CNTNAP4: variants seen among roughly 807,000 people sequenced by gnomAD.
CNTNAP4 encodes contactin-associated protein-like 4.
In CNTNAP4, 98 loss-of-function variants were observed where a neutral mutation model predicts 148.4. The observed-to-expected ratio is 0.66, with a 90% CI of 0.56 to 0.78. The LOEUF (loss-of-function observed/expected upper bound fraction) is 0.78, where lower values mean the gene tolerates loss of function less well. CNTNAP4 is among the 30% of genes least tolerant of loss of function. The probability of loss-of-function intolerance (pLI) is 0.00; values close to 1 mark genes in which losing one functional copy is unlikely to be tolerated. For missense variants in CNTNAP4, 1,935 were observed against 1,565.6 expected, an observed-to-expected ratio of 1.24 and a Z score of -3.98; for synonymous variants, 730 against 565.1, an observed-to-expected ratio of 1.29 and a Z score of -4.14.
chr16:76,518,517 A>G (rs2083335866), intron 15 of CNTNAP4, among the ~76,000 whole-genome samples: 1 of 152,162 alleles, frequency 6.6e-6, no homozygotes, highest in East Asian at 1.9e-4. Context: ...CTTTTTTATG[A>G]TTGTTATTTA....
intron 18 of CNTNAP4, among the ~76,000 whole-genome samples, chr16:76,537,765 A>G (rs2084273822): frequency 6.6e-6 from 1 of 152,130 alleles, no homozygotes; most frequent in Non-Finnish European, 1.5e-5. Context: ...CACTTCATTT[A>G]AGATTGTACT....
chr16:76,390,953 G>A (rs2016939007), intron 3 of CNTNAP4, among the ~76,000 whole-genome samples: 1 of 152,052 alleles, frequency 6.6e-6, no homozygotes, highest in Admixed American at 6.6e-5. Context: ...TGGGAAATAA[G>A]CACATCATAG....
At chr16:76,294,601 T>C (rs560106813) in intron 1 of CNTNAP4, among the ~76,000 whole-genome samples, 50 of 152,328 alleles carry the variant, frequency 3.3e-4, no homozygotes, top group African/African-American at 1.2e-3. Context: ...TAAAATATTT[T>C]TTACATTCCT....
In CNTNAP4 at chr16:76,322,565, C is replaced by G. The variant is rs1962535608; in HGVS notation, c.196+6042C>G. On this transcript the variant is annotated intron_variant, in intron 2 of 23. Coordinates refer to ENST00000611870, the MANE Select transcript of CNTNAP4 (RefSeq NM_033401.5). The stretch of plus-strand genomic sequence containing the variant: ...AAGGATTGGCAAGATATTTCACCAC[C>G]AAACTTTAATTTCCTACGGGAAGAG... Among the ~76,000 whole-genome samples the G allele has an allele frequency of 1.3e-5, 2 of 152,166 alleles. 1 individual carries two copies. Among genetic ancestry groups the G allele is most frequent in the South Asian group, 4.1e-4 (2 of 4,824 alleles).
chr16:76,547,938 T>G (rs2144357743), intron 21 of CNTNAP4, among the ~76,000 whole-genome samples: 1 of 152,234 alleles, frequency 6.6e-6, no homozygotes, highest in Non-Finnish European at 1.5e-5. Flanking sequence ...AAAAAGAAAG[T>G]TTAATTAGCT....
intron 3 of CNTNAP4, among the ~76,000 whole-genome samples, chr16:76,358,703 C>A (rs895660615): frequency 1.1e-4 from 17 of 152,114 alleles, no homozygotes; most frequent in Admixed American, 5.9e-4. Context: ...AATGTTGGAT[C>A]TGGCAAAGAA....
chr16:76,419,409 G>T (rs1193913807), intron 3 of CNTNAP4, among the ~76,000 whole-genome samples: 1 of 151,970 alleles, frequency 6.6e-6, no homozygotes, highest in Non-Finnish European at 1.5e-5. Context: ...GAGCCAGAAG[G>T]GAGTCTTTTT....
intron 3 of CNTNAP4, among the ~76,000 whole-genome samples, chr16:76,366,178 T>C (rs962229751): frequency 6.6e-6 from 1 of 152,184 alleles, no homozygotes; most frequent in Admixed American, 6.5e-5. Context: ...GGGATACATG[T>C]GCAGGTTTGT....
At chr16:76,458,306 C>T (rs1362176593) in intron 8 of CNTNAP4, among the ~76,000 whole-genome samples, 3 of 151,974 alleles carry the variant, frequency 2.0e-5, no homozygotes, top group Non-Finnish European at 4.4e-5. Flanking sequence ...CTTTTTGGCA[C>T]CAGGGACTGT....
At chr16:76,543,782 C>G (rs2084567899) in intron 21 of CNTNAP4, among the ~76,000 whole-genome samples, 1 of 152,214 alleles carries the variant, frequency 6.6e-6, no homozygotes, top group South Asian at 2.1e-4. Context: ...GGCCTTGGTA[C>G]AAGCATGAGG....
intron 21 of CNTNAP4, among the ~76,000 whole-genome samples, chr16:76,550,670 A>T (rs528733203): frequency 5.7e-5 from 5 of 87,580 alleles, no homozygotes; most frequent in African/African-American, 1.8e-4. Context: ...TTCTCATTAA[A>T]GTAAAAAGAA....
At chr16:76,340,211 T>A (rs529797429) in intron 2 of CNTNAP4, among the ~76,000 whole-genome samples, 2 of 152,080 alleles carry the variant, frequency 1.3e-5, no homozygotes, top group African/African-American at 4.8e-5. Context: ...AAGAGGCACG[T>A]ATTAAAGATC....
intron 2 of CNTNAP4, among the ~76,000 whole-genome samples, chr16:76,321,303 GC>G (rs1368768733): frequency 2.0e-5 from 3 of 152,158 alleles, no homozygotes; most frequent in Non-Finnish European, 4.4e-5. Flanking sequence ...AATCTATATA[GC>G]GTTGTTTGGC....
intron 8 of CNTNAP4, among the ~76,000 whole-genome samples, chr16:76,456,521 C>T (rs1474037721): frequency 6.6e-6 from 1 of 152,108 alleles, no homozygotes; most frequent in African/African-American, 2.4e-5. Flanking sequence ...TGTGTTTAGA[C>T]AAGTTTATAA....
intron 3 of CNTNAP4, among the ~76,000 whole-genome samples, chr16:76,373,331 C>T (rs1308343869): frequency 6.6e-6 from 1 of 151,508 alleles, no homozygotes; most frequent in Non-Finnish European, 1.5e-5. Flanking sequence ...GTATATTTCA[C>T]AAAAATATGT....
chr16:76,316,193 G>T, intron 1 of CNTNAP4: 1 of 582,574 alleles, frequency 1.7e-6, no homozygotes, highest in Non-Finnish European at 3.0e-6. Flanking sequence ...ATAATTTTAT[G>T]ATTTTTAAAG....
intron 2 of CNTNAP4, among the ~76,000 whole-genome samples, chr16:76,324,223 C>T (rs561846726): frequency 2.0e-4 from 31 of 152,166 alleles, no homozygotes; most frequent in African/African-American, 6.7e-4. Context: ...TAAATGTGGC[C>T]CAACTGAAAT....
At chr16:76,362,520 T>C (rs553015725) in intron 3 of CNTNAP4, among the ~76,000 whole-genome samples, 2 of 152,308 alleles carry the variant, frequency 1.3e-5, no homozygotes, top group African/African-American at 4.8e-5. Context: ...TTTCAAAATA[T>C]ATTACAAAGC....
chr16:76,388,213 A>G (rs2016674737), intron 3 of CNTNAP4, among the ~76,000 whole-genome samples: 2 of 152,226 alleles, frequency 1.3e-5, no homozygotes, highest in South Asian at 2.1e-4. Context: ...CAAAGAGTTC[A>G]TTACAGCACT....
Sources: gnomAD v4.1 joint callset for allele counts (sites outside exome capture counted in the v4.1 genomes callset) on GRCh38, gnomAD v4.1.1 for gene constraint, MANE v1.5 for transcripts, NCBI Gene and HGNC (gene_info 2026-07-23, HGNC 2026-07-21) for gene names.